The following ATP1B3 variants were observed in gnomAD, a reference collection of about 807,000 sequenced individuals.
ATP1B3 encodes ATPase Na+/K+ transporting subunit beta 3.
Under a neutral mutation model 30.2 loss-of-function variants are expected in ATP1B3, and 10 were observed. The ratio of observed to expected loss-of-function variants is 0.33; its 90% CI spans 0.20 to 0.56. ATP1B3 has a LOEUF of 0.56. Ranked by LOEUF, ATP1B3 falls within the 20% of genes least tolerant of loss-of-function variation. The pLI, the probability that ATP1B3 is intolerant of heterozygous loss-of-function variation, is 0.90. For missense variants in ATP1B3, 238 were observed against 336.7 expected, an observed-to-expected ratio of 0.71 and a Z score of 2.29; for synonymous variants, 113 against 117.0, an observed-to-expected ratio of 0.97 and a Z score of 0.22.
intron 1 of ATP1B3, among the ~76,000 whole-genome samples, chr3:141,891,388 C>T (rs929114954): frequency 4.6e-5 from 7 of 152,166 alleles, no homozygotes; most frequent in Non-Finnish European, 7.4e-5. Flanking sequence ...ATAGTCTGTT[C>T]TTTCCATTTT....
In ATP1B3 at chr3:141,916,644, T is replaced by A. The variant is rs1018970747; in HGVS notation, c.582+624T>A. Reference sequence around the variant, plus strand: ...CTAAATATTAACATTTCAACTCTGATTGTATGGCAGAAATATTTTACTTAG... The same window carrying A: ...CTAAATATTAACATTTCAACTCTGAATGTATGGCAGAAATATTTTACTTAG... On this transcript the variant is annotated intron_variant, in intron 5 of 6. Transcript: ENST00000286371. 2.9e-6 allele frequency: 3 copies of A among 1,032,788 alleles called. No homozygotes were observed. The African/African-American group carries it at 5.1e-5, about 18-fold the overall frequency. The allele number at this position is 1,032,788 out of a possible 1,614,324, so 64.0% of individuals were successfully genotyped here.
intron 5 of ATP1B3, 24 bp from the exon 6 acceptor site, chr3:141,921,953 G>A: frequency 3.0e-6 from 4 of 1,332,266 alleles, no homozygotes; most frequent in Non-Finnish European, 3.1e-6. Flanking sequence ...ACCTAAAGAG[G>A]ATTTCTTTTG....
At chr3:141,923,737 A>G (rs1934607639) in intron 6 of ATP1B3, among the ~76,000 whole-genome samples, 1 of 152,226 alleles carries the variant, frequency 6.6e-6, no homozygotes, top group African/African-American at 2.4e-5. Flanking sequence ...GCAACCTATA[A>G]TCAGGAATAT....
intron 1 of ATP1B3, among the ~76,000 whole-genome samples, chr3:141,894,677 C>T (rs1382477642): frequency 2.0e-5 from 3 of 152,232 alleles, no homozygotes; most frequent in African/African-American, 7.2e-5. Context: ...ACCTTCATCT[C>T]TTGCCCCACT....
At chr3:141,919,383 C>G (rs1212457389) in intron 5 of ATP1B3, among the ~76,000 whole-genome samples, 3 of 151,914 alleles carry the variant, frequency 2.0e-5, no homozygotes, top group Non-Finnish European at 4.4e-5. Flanking sequence ...TTTGAAAATG[C>G]TGGAATTACA....
intron 1 of ATP1B3, among the ~76,000 whole-genome samples, chr3:141,879,480 A>C (rs770422548): frequency 3.3e-5 from 5 of 152,010 alleles, no homozygotes; most frequent in Non-Finnish European, 5.9e-5. Context: ...TTAAAACCTT[A>C]CATTTTTGGG....
At chr3:141,878,286 C>T (rs767420889) in intron 1 of ATP1B3, among the ~76,000 whole-genome samples, 39 of 152,218 alleles carry the variant, frequency 2.6e-4, no homozygotes, top group Non-Finnish European at 2.8e-4. Context: ...GGTAATCACT[C>T]ATGATTTTTA....
At chr3:141,879,835 T>A (rs1227639494) in intron 1 of ATP1B3, among the ~76,000 whole-genome samples, 2 of 136,552 alleles carry the variant, frequency 1.5e-5, no homozygotes, top group South Asian at 2.4e-4. Flanking sequence ...TTTTTTTTTT[T>A]AAGAAAAACA....
At chr3:141,910,898 T>C (rs1934347458) in intron 3 of ATP1B3, among the ~76,000 whole-genome samples, 1 of 152,152 alleles carries the variant, frequency 6.6e-6, no homozygotes, top group Non-Finnish European at 1.5e-5. Context: ...AACCCTTTTA[T>C]TTCTGAAAAT....
chr3:141,914,304 G>T (rs527437304), intron 4 of ATP1B3, among the ~76,000 whole-genome samples: 11 of 152,282 alleles, frequency 7.2e-5, no homozygotes, highest in Non-Finnish European at 1.6e-4. Flanking sequence ...ATATATATAT[G>T]TAATTAGATA....
At chr3:141,916,495 G>T in intron 5 of ATP1B3, 2 of 1,174,826 alleles carry the variant, frequency 1.7e-6, no homozygotes, top group Non-Finnish European at 2.3e-6. Flanking sequence ...CCAGAATACT[G>T]TGCAGTTTTC....
At position 141,925,627 on chromosome 3, in the gene ATP1B3, G is replaced by C. The variant is rs1934645070; in HGVS notation, c.766G>C (p.Ala256Pro). The change falls in exon 7 of 7, where the codon GCC becomes CCC. Residue 256 changes from alanine to proline, a missense_variant. Ala to Pro is a conservative substitution (Grantham distance 27). Around this residue, in one of 3 missense-constraint regions of ATP1B3, gnomAD observed 50 missense variants for 62.3 expected, o/e 0.80. Transcript: ENST00000286371. ...AGTTGAGTGCAAGATTGATGGATCA[G>C]CCAACCTAAAAAGTCAGGATGATCG... is the stretch of plus-strand genomic sequence containing the variant. ...VTVECKIDGSANLKSQDDRDK... is the reference protein window; with the variant it reads ...VTVECKIDGSPNLKSQDDRDK... 1 of 1,613,412 alleles carries C rather than the reference G, an allele frequency of 6.2e-7. No homozygotes were observed. The highest frequency in any genetic ancestry group is 1.7e-5 in the Admixed American group (1 of 59,986).
At chr3:141,912,719 C>T (rs1376232727) in intron 3 of ATP1B3, among the ~76,000 whole-genome samples, 2 of 152,190 alleles carry the variant, frequency 1.3e-5, no homozygotes, top group Non-Finnish European at 2.9e-5. Context: ...TCACATCAGG[C>T]TTGCTCACTT....
At position 141,914,502 on chromosome 3, in the gene ATP1B3, C is replaced by A. The variant is rs118141303; in HGVS notation, c.531+666C>A. The stretch of plus-strand genomic sequence containing the variant: ...GGTCATTGTGCAAAGGAAGATGATA[C>A]GGCTTTTCTTGAGTCATGAAGTGAT... On this transcript the variant is annotated intron_variant, in intron 4 of 6. Transcript: ENST00000286371. 3.0e-3 allele frequency among the ~76,000 whole-genome samples: 454 copies of A among 152,246 alleles called. 8 individuals carry two copies. The East Asian group carries it at 0.04, about 13-fold the overall frequency.
chr3:141,885,923 A>C (rs866473114), intron 1 of ATP1B3, among the ~76,000 whole-genome samples: 80 of 141,088 alleles, frequency 5.7e-4, no homozygotes, highest in South Asian at 1.4e-3. Flanking sequence ...ACACACACAC[A>C]CCCCTGTAGT....
intron 1 of ATP1B3, chr3:141,902,052 C>A (rs1934173240): frequency 9.8e-7 from 1 of 1,019,626 alleles, no homozygotes; most frequent in Non-Finnish European, 1.3e-6. Flanking sequence ...ATTAAACTGG[C>A]CTGTGGGCTT....
At chr3:141,902,114 GTCTTT>G in intron 1 of ATP1B3, 1 of 1,286,930 alleles carries the variant, frequency 7.8e-7, no homozygotes, top group South Asian at 1.2e-5. Flanking sequence ...TTTGAGATTG[GTCTTT>G]TCTTTTTCTG....
At chr3:141,897,699 G>A (rs1934093582) in intron 1 of ATP1B3, among the ~76,000 whole-genome samples, 1 of 151,990 alleles carries the variant, frequency 6.6e-6, no homozygotes, top group South Asian at 2.1e-4. Flanking sequence ...TGTTCATCGG[G>A]TTTTTGTTTT....
In ATP1B3 at chr3:141,925,532, T is replaced by G. The variant is rs1467096326; in HGVS notation, c.671T>G (p.Val224Gly). The G allele has an allele frequency of 6.3e-7, 1 of 1,597,110 alleles. No homozygotes were observed. The change falls in exon 7 of 7, where the codon GTT (valine) becomes GGT (glycine). Residue 224 changes from valine to glycine, a missense_variant and splice_region_variant. By Grantham distance (109) the Val-to-Gly change is moderately radical. Coordinates refer to ENST00000286371, the MANE Select transcript of ATP1B3 (RefSeq NM_001679.4). Reference protein sequence around the residue: ...YFPYYGKKLHVGYLQPLVAVQ... With the variant: ...YFPYYGKKLHGGYLQPLVAVQ... ...AATATATTTTCCTTTTATTGCCAGG[T>G]TGGGTATCTACAGCCATTGGTTGCT...
Sources: allele counts gnomAD v4.1 joint callset (sites outside exome capture counted in the v4.1 genomes callset), GRCh38; gene constraint gnomAD v4.1.1; regional missense constraint gnomAD v4.1.1; transcripts MANE v1.5; gene names NCBI Gene and HGNC (gene_info 2026-07-23, HGNC 2026-07-21).